SPATA13: variants seen among roughly 807,000 people sequenced by gnomAD.
SPATA13 encodes the protein spermatogenesis associated 13, also known as spermatogenesis-associated protein 13.
SPATA13 carries 50 observed loss-of-function variants against 104.0 expected under a neutral mutation model. The ratio of observed to expected loss-of-function variants is 0.48; its 90% confidence interval spans 0.38 to 0.61. The LOEUF is 0.61. SPATA13 is among the 20% of genes least tolerant of loss of function. The pLI, the probability that SPATA13 is intolerant of heterozygous loss-of-function variation, is 0.00. For missense variants in SPATA13, 1,524 were observed against 1,690.6 expected (o/e 0.90, Z 1.73); for synonymous variants, 606 against 667.5 (o/e 0.91, Z 1.42).
intron 4 of SPATA13, chr13:24,278,696 G>T: frequency 6.5e-7 from 1 of 1,547,432 alleles, no homozygotes; most frequent in East Asian, 2.4e-5. Context: ...AAACAACCCT[G>T]AGAGATGGGT....
chr13:24,187,699 TTC>T (rs1869237953), intron 1 of SPATA13, among the ~76,000 whole-genome samples: 1 of 152,288 alleles, frequency 6.6e-6, no homozygotes, highest in East Asian at 1.9e-4. Context: ...TGTTTTGGGC[TTC>T]ATGAACTACA....
At chr13:24,044,196 C>A (rs1256813484) in intron 3 of SPATA13, among the ~76,000 whole-genome samples, 1 of 151,648 alleles carries the variant, frequency 6.6e-6, no homozygotes, top group African/African-American at 2.4e-5. Context: ...GCCTCTGCTG[C>A]CTTTGTTTGT....
chr13:24,050,020 C>G (rs1335824917), intron 3 of SPATA13, among the ~76,000 whole-genome samples: 1 of 152,076 alleles, frequency 6.6e-6, no homozygotes, highest in African/African-American at 2.4e-5. Flanking sequence ...TTACAGGTGC[C>G]CACCACCACG....
intron 3 of SPATA13, among the ~76,000 whole-genome samples, chr13:24,037,037 G>A (rs1877709187): frequency 6.6e-6 from 1 of 151,976 alleles, no homozygotes; most frequent in African/African-American, 2.4e-5. Flanking sequence ...GTCTCCCAAA[G>A]TGCTGGGATT....
intron 12 of SPATA13, among the ~76,000 whole-genome samples, chr13:24,300,942 G>A (rs906506427): frequency 6.6e-6 from 1 of 152,152 alleles, no homozygotes; most frequent in Non-Finnish European, 1.5e-5. Flanking sequence ...CGGTACATCA[G>A]GCAAGGAGTT....
intron 2 of SPATA13, among the ~76,000 whole-genome samples, chr13:24,007,283 G>A (rs1429475190): frequency 5.3e-5 from 8 of 152,320 alleles, no homozygotes; most frequent in Admixed American, 4.6e-4. Context: ...GGCCAGGCTA[G>A]GCCACTGCTT....
chr13:24,149,605 T>C (rs1031027334), intron 3 of SPATA13, among the ~76,000 whole-genome samples: 1 of 152,204 alleles, frequency 6.6e-6, no homozygotes, highest in Non-Finnish European at 1.5e-5. Flanking sequence ...CACTCCTAGA[T>C]CTTCTGTCAC....
At chr13:24,270,750 G>A in intron 4 of SPATA13, 2 of 1,579,426 alleles carry the variant, frequency 1.3e-6, no homozygotes, top group Non-Finnish European at 1.7e-6. Context: ...AGCGATTTCT[G>A]CAGTTCCCGT....
At chr13:23,991,790 G>C (rs550883009) in intron 2 of SPATA13, among the ~76,000 whole-genome samples, 16 of 152,212 alleles carry the variant, frequency 1.1e-4, no homozygotes, top group African/African-American at 3.4e-4. Flanking sequence ...TGAGTTGGGG[G>C]CAGGTGGGCT....
intron 3 of SPATA13, among the ~76,000 whole-genome samples, chr13:24,055,255 T>C (rs1878499340): frequency 6.6e-6 from 1 of 152,230 alleles, no homozygotes. Context: ...TCCCCAGTCC[T>C]CTCCTTCTCC....
chr13:24,174,859 G>A (rs576374967), intron 1 of SPATA13, among the ~76,000 whole-genome samples: 110 of 152,294 alleles, frequency 7.2e-4, no homozygotes, highest in South Asian at 3.5e-3. Context: ...GATTACAGGC[G>A]TGAGCCCCTG....
chr13:24,251,348 G>C (rs2138663578), intron 3 of SPATA13: 1 of 544,774 alleles, frequency 1.8e-6, no homozygotes, highest in Non-Finnish European at 2.3e-6. Flanking sequence ...TCCTCCAGAG[G>C]CCACCCCTGG....
intron 1 of SPATA13, among the ~76,000 whole-genome samples, chr13:24,180,788 CTATA>C (rs1169549814): frequency 6.6e-6 from 1 of 152,066 alleles, no homozygotes; most frequent in African/African-American, 2.4e-5. Flanking sequence ...GATTGCAAGT[CTATA>C]GACATGTGAT....
chr13:24,252,584 T>C (rs951928735), intron 4 of SPATA13, among the ~76,000 whole-genome samples: 5 of 152,196 alleles, frequency 3.3e-5, no homozygotes, highest in African/African-American at 1.2e-4. Context: ...AGTAGCATTG[T>C]TAGGGTGGTA....
intron 1 of SPATA13, among the ~76,000 whole-genome samples, chr13:24,195,070 C>G (rs1240211046): frequency 5.3e-5 from 8 of 152,170 alleles, no homozygotes; most frequent in African/African-American, 1.9e-4. Context: ...TTTTAGCACC[C>G]CGCAAAGAAA....
intron 1 of SPATA13, among the ~76,000 whole-genome samples, chr13:24,176,411 T>A (rs4769334): frequency 0.78 from 118,040 of 152,138 alleles, 48,554 homozygotes; most frequent in East Asian, 0.92. Context: ...CATGTAATCT[T>A]TACAGAAAAG....
intron 3 of SPATA13, among the ~76,000 whole-genome samples, chr13:24,078,593 G>A (rs1048496203): frequency 6.6e-6 from 1 of 152,172 alleles, no homozygotes; most frequent in Non-Finnish European, 1.5e-5. Flanking sequence ...GGTGCTGACA[G>A]CAGCAGGCCT....
chr13:24,295,890 A>C lies in SPATA13; in HGVS notation c.3210+1022A>C, dbSNP rs192771157. 2.0e-3 allele frequency among the ~76,000 whole-genome samples: 305 copies of C among 152,304 alleles called. 2 individuals are homozygous for C. The highest frequency in any genetic ancestry group is 7.1e-3 in the African/African-American group (295 of 41,572). On this transcript the variant is annotated intron_variant, in intron 10 of 12. Transcript: ENST00000382108. ...ACAGAAAGGTTAAATAACTTGCCCA[A>C]GACCACACAGCTCAAAAGTAGCAGA... is the stretch of plus-strand genomic sequence containing the variant.
chr13:24,068,170 T>C (rs1879034518), intron 3 of SPATA13, among the ~76,000 whole-genome samples: 1 of 152,158 alleles, frequency 6.6e-6, no homozygotes, highest in South Asian at 2.1e-4. Flanking sequence ...CCCTCCACTC[T>C]CCAATAGGCC....
Sources: allele counts gnomAD v4.1 joint callset (sites outside exome capture counted in the v4.1 genomes callset), GRCh38; gene constraint gnomAD v4.1.1; transcripts MANE v1.5; gene names NCBI Gene and HGNC (gene_info 2026-07-23, HGNC 2026-07-21).